The following PCNX2 variants were observed in gnomAD, a reference collection of about 807,000 sequenced individuals.
The protein encoded by PCNX2 is pecanex-like protein 2.
PCNX2 carries 168 observed loss-of-function variants against 223.8 expected under a neutral mutation model. The observed-to-expected ratio is 0.75, with a 90% confidence interval of 0.66 to 0.85. PCNX2 has a LOEUF of 0.85. Among genes scored for constraint, PCNX2 ranks in the 40% least tolerant of loss-of-function variants. The pLI is 0.00. For synonymous variants in PCNX2, 1,006 were observed against 1,052.6 expected, an observed-to-expected ratio of 0.96 and a Z score of 0.86; for missense variants, 2,507 against 2,675.5, an observed-to-expected ratio of 0.94 and a Z score of 1.39.
chr1:233,035,123 T>C (rs1394939814), intron 25 of PCNX2, among the ~76,000 whole-genome samples: 1 of 152,178 alleles, frequency 6.6e-6, no homozygotes, highest in Non-Finnish European at 1.5e-5. Flanking sequence ...ACGTTAAACA[T>C]GGTCCCCTGC....
chr1:233,103,538 T>C (rs1204194011), intron 21 of PCNX2, among the ~76,000 whole-genome samples: 4 of 152,148 alleles, frequency 2.6e-5, no homozygotes, highest in Non-Finnish European at 5.9e-5. Context: ...ATATATAATG[T>C]TTATCTTTCT....
At chr1:233,065,864 T>C (rs996899484) in intron 23 of PCNX2, among the ~76,000 whole-genome samples, 1 of 152,166 alleles carries the variant, frequency 6.6e-6, no homozygotes, top group Non-Finnish European at 1.5e-5. Context: ...CCTAGGCAGA[T>C]AGGGGTGGGT....
intron 23 of PCNX2, among the ~76,000 whole-genome samples, chr1:233,063,842 C>T (rs1212355488): frequency 6.6e-6 from 1 of 152,096 alleles, no homozygotes. Flanking sequence ...TCTTTCTCTG[C>T]TGCATTCTGG....
chr1:233,088,944 C>T (rs1265818959), intron 23 of PCNX2, among the ~76,000 whole-genome samples: 2 of 152,220 alleles, frequency 1.3e-5, no homozygotes, highest in African/African-American at 4.8e-5. Context: ...TATGATTTTA[C>T]TTCCATTTTA....
chr1:233,052,060 T>C (rs1431310872), intron 25 of PCNX2, among the ~76,000 whole-genome samples: 3 of 152,182 alleles, frequency 2.0e-5, no homozygotes, highest in Non-Finnish European at 4.4e-5. Context: ...CTATAGAGTT[T>C]TATCACTAGT....
At chr1:233,178,465 C>T (rs1029157498) in intron 16 of PCNX2, among the ~76,000 whole-genome samples, 3 of 152,140 alleles carry the variant, frequency 2.0e-5, no homozygotes, top group Middle Eastern at 3.2e-3. Flanking sequence ...CCAGAGTACA[C>T]GTTACCAAAA....
intron 19 of PCNX2, among the ~76,000 whole-genome samples, chr1:233,143,877 G>A (rs1452320427): frequency 6.6e-6 from 1 of 151,928 alleles, no homozygotes; most frequent in Non-Finnish European, 1.5e-5. Context: ...CTTGTTTCTT[G>A]CAATGATCCC....
chr1:233,192,381 A>G (rs1024683687), intron 15 of PCNX2, among the ~76,000 whole-genome samples: 2 of 152,160 alleles, frequency 1.3e-5, no homozygotes, highest in African/African-American at 4.8e-5. Context: ...GGAGAATCAT[A>G]TTTTTACACT....
the PCNX2 span, among the ~76,000 whole-genome samples, chr1:233,324,755 C>T: frequency 6.6e-6 from 1 of 151,894 alleles, no homozygotes; most frequent in South Asian, 2.1e-4. Flanking sequence ...TGTGCATCAC[C>T]ACACCTGGCC....
intron 17 of PCNX2, among the ~76,000 whole-genome samples, chr1:233,170,233 C>A (rs1440236271): frequency 6.6e-6 from 1 of 152,130 alleles, no homozygotes; most frequent in African/African-American, 2.4e-5. Flanking sequence ...AAACTTTTGT[C>A]CAAAATGTGT....
At chr1:233,262,291 CT>C in intron 2 of PCNX2, 126 bp from the exon 3 acceptor site, 10 of 1,231,716 alleles carry the variant, frequency 8.1e-6, no homozygotes, top group South Asian at 4.4e-5. Flanking sequence ...ACATATAAAT[CT>C]TTTTTTGTTG....
At chr1:233,190,110 A>G (rs975280242) in intron 15 of PCNX2, among the ~76,000 whole-genome samples, 2 of 152,218 alleles carry the variant, frequency 1.3e-5, no homozygotes, top group African/African-American at 2.4e-5. Flanking sequence ...AAACACATAT[A>G]TCATGACCCA....
chr1:233,241,456 CAAGAT>C, intron 8 of PCNX2: 1 of 867,274 alleles, frequency 1.2e-6, no homozygotes. Context: ...TCTAAGAAAA[CAAGAT>C]AAGAATGACA....
intron 20 of PCNX2, among the ~76,000 whole-genome samples, chr1:233,136,430 G>A (rs756624734): frequency 5.9e-5 from 9 of 152,148 alleles, no homozygotes; most frequent in African/African-American, 9.7e-5. Context: ...TGGAAATTCC[G>A]TATGCCTCAA....
chr1:233,009,555 C>T (rs985560357), intron 28 of PCNX2, among the ~76,000 whole-genome samples: 1 of 152,194 alleles, frequency 6.6e-6, no homozygotes, highest in African/African-American at 2.4e-5. Context: ...GTTCTCTGCT[C>T]GGAGGCTCCA....
chr1:233,243,262 G>C (rs1658886606), intron 8 of PCNX2, among the ~76,000 whole-genome samples: 1 of 152,208 alleles, frequency 6.6e-6, no homozygotes, highest in Admixed American at 6.5e-5. Context: ...ATAGCTAAGA[G>C]GAATGGCTTT....
At chr1:233,147,394 A>C (rs2477864) in intron 19 of PCNX2, among the ~76,000 whole-genome samples, 1 of 151,922 alleles carries the variant, frequency 6.6e-6, no homozygotes, top group African/African-American at 2.4e-5. Context: ...TATATTTCCT[A>C]TTCATTAAGT....
chr1:233,016,580 CCT>C (rs376179052), intron 27 of PCNX2, among the ~76,000 whole-genome samples: 72 of 152,244 alleles, frequency 4.7e-4, no homozygotes, highest in African/African-American at 1.6e-3. Context: ...AGTAAATCCC[CCT>C]GATTTCAGCA....
intron 13 of PCNX2, among the ~76,000 whole-genome samples, chr1:233,203,080 C>A (rs530211479): frequency 6.6e-6 from 1 of 152,266 alleles, no homozygotes; most frequent in South Asian, 2.1e-4. Flanking sequence ...AACCTGGCAG[C>A]ATTTTAAGGA....
Sources: gnomAD v4.1 joint callset for allele counts (sites outside exome capture counted in the v4.1 genomes callset) on GRCh38, gnomAD v4.1.1 for gene constraint, MANE v1.5 for transcripts, NCBI Gene and HGNC (gene_info 2026-07-23, HGNC 2026-07-21) for gene names.